Variants in ZNF804B observed in about 807,000 individuals in gnomAD.
ZNF804B encodes the protein zinc finger protein 804B.
Under a neutral mutation model 101.4 loss-of-function variants are expected in ZNF804B, and 80 were observed. The ratio of observed to expected loss-of-function variants is 0.79; its 90% CI spans 0.66 to 0.95. The LOEUF is 0.95. Ranked by LOEUF, ZNF804B falls within the 40% of genes least tolerant of loss-of-function variation. The pLI, the probability that ZNF804B is intolerant of heterozygous loss-of-function variation, is 0.00. For missense variants in ZNF804B, 1,673 were observed against 1,561.9 expected (o/e 1.07, Z -1.20); for synonymous variants, 622 against 558.8 (o/e 1.11, Z -1.59).
chr7:88,911,619 T>C (rs1290316035), intron 1 of ZNF804B, among the ~76,000 whole-genome samples: 5 of 151,510 alleles, frequency 3.3e-5, no homozygotes, highest in Non-Finnish European at 5.9e-5. Context: ...ATTTATTCTA[T>C]TGATGCAAGC....
intron 2 of ZNF804B, among the ~76,000 whole-genome samples, chr7:89,285,217 A>C (rs571118101): frequency 1.3e-5 from 2 of 151,774 alleles, no homozygotes; most frequent in East Asian, 3.9e-4. Context: ...AGACCCTGTC[A>C]CAAAAAAATA....
intron 1 of ZNF804B, among the ~76,000 whole-genome samples, chr7:89,198,248 A>G (rs1382534370): frequency 6.6e-6 from 1 of 151,898 alleles, no homozygotes; most frequent in Admixed American, 6.6e-5. Context: ...AAAGCTTTTA[A>G]CTATTAAACA....
At chr7:89,027,666 C>T (rs1271785711) in intron 1 of ZNF804B, among the ~76,000 whole-genome samples, 1 of 152,144 alleles carries the variant, frequency 6.6e-6, no homozygotes, top group African/African-American at 2.4e-5. Flanking sequence ...GGTGGGTCTG[C>T]ACTGTTATAT....
chr7:89,217,034 A>AGT (rs1337397082), intron 1 of ZNF804B, among the ~76,000 whole-genome samples: 1 of 152,224 alleles, frequency 6.6e-6, no homozygotes, highest in Non-Finnish European at 1.5e-5. Context: ...GTGCATATTA[A>AGT]GTAGCACATA....
intron 1 of ZNF804B, among the ~76,000 whole-genome samples, chr7:88,861,285 C>T (rs1405088501): frequency 1.3e-5 from 2 of 152,114 alleles, no homozygotes; most frequent in African/African-American, 4.8e-5. Flanking sequence ...TAAATGTTTT[C>T]ACCAACTCCC....
At chr7:88,953,008 G>C (rs1793247971) in intron 1 of ZNF804B, among the ~76,000 whole-genome samples, 1 of 151,718 alleles carries the variant, frequency 6.6e-6, no homozygotes, top group Non-Finnish European at 1.5e-5. Flanking sequence ...CATTGGTATA[G>C]GAATTCGAAG....
At chr7:89,019,974 C>T (rs895046376) in intron 1 of ZNF804B, among the ~76,000 whole-genome samples, 1 of 152,000 alleles carries the variant, frequency 6.6e-6, no homozygotes, top group Admixed American at 6.6e-5. Flanking sequence ...TGAACACTTA[C>T]TACTGTTTTT....
At chr7:88,791,082 TA>T (rs1010823839) in intron 1 of ZNF804B, among the ~76,000 whole-genome samples, 1 of 152,004 alleles carries the variant, frequency 6.6e-6, no homozygotes, top group African/African-American at 2.4e-5. Context: ...GAGTATAAAT[TA>T]AAAAAATTCT....
At chr7:88,817,478 A>T (rs1790903896) in intron 1 of ZNF804B, among the ~76,000 whole-genome samples, 1 of 152,144 alleles carries the variant, frequency 6.6e-6, no homozygotes, top group African/African-American at 2.4e-5. Context: ...GGAATTGTCC[A>T]TGAAGGGAAA....
chr7:88,776,438 C>G (rs1036007314), intron 1 of ZNF804B, among the ~76,000 whole-genome samples: 8 of 152,018 alleles, frequency 5.3e-5, no homozygotes. Context: ...CAAATAGCAG[C>G]CCTGTGTTTT....
At chr7:89,280,809 C>T (rs1019600150) in intron 2 of ZNF804B, among the ~76,000 whole-genome samples, 57 of 152,114 alleles carry the variant, frequency 3.7e-4, no homozygotes, top group Non-Finnish European at 3.7e-4. Flanking sequence ...GATTCACAGC[C>T]GAATTCTACC....
chr7:88,906,553 ATCT>A (rs1305678130), intron 1 of ZNF804B, among the ~76,000 whole-genome samples: 2 of 151,902 alleles, frequency 1.3e-5, no homozygotes, highest in African/African-American at 2.4e-5. Flanking sequence ...GTTTTGGGAG[ATCT>A]TCTTGATTTT....
chr7:89,017,414 C>T (rs1416086587), intron 1 of ZNF804B, among the ~76,000 whole-genome samples: 3 of 152,160 alleles, frequency 2.0e-5, no homozygotes, highest in Non-Finnish European at 4.4e-5. Flanking sequence ...TGTCTTGTGC[C>T]AGTTTTCAAA....
chr7:88,900,764 TTTTG>T (rs1792377145), intron 1 of ZNF804B, among the ~76,000 whole-genome samples: 1 of 151,540 alleles, frequency 6.6e-6, no homozygotes, highest in African/African-American at 2.4e-5. Context: ...GCCATCATAT[TTTTG>T]TTTCTTTCCT....
At chr7:89,282,959 G>A (rs1346644323) in intron 2 of ZNF804B, among the ~76,000 whole-genome samples, 2 of 152,112 alleles carry the variant, frequency 1.3e-5, no homozygotes, top group East Asian at 1.9e-4. Context: ...ATAAATTTCT[G>A]TTGTTTTAAG....
At chr7:89,037,970 C>G (rs1451367279) in intron 1 of ZNF804B, among the ~76,000 whole-genome samples, 2 of 152,162 alleles carry the variant, frequency 1.3e-5, no homozygotes, top group Non-Finnish European at 2.9e-5. Flanking sequence ...TTCATGTTGT[C>G]TCAAATGGCT....
In ZNF804B at chr7:88,834,092, G is replaced by A. The variant is rs1791173619; in HGVS notation, c.108+74008G>A. Reference sequence around the variant, plus strand: ...GCCTGTATTTGAAATATAAGGTCAAGTGGGAGGTTATAATCAGAAAGAATT... The same window carrying A: ...GCCTGTATTTGAAATATAAGGTCAAATGGGAGGTTATAATCAGAAAGAATT... On this transcript the variant is annotated intron_variant, in intron 1 of 3. Coordinates refer to ENST00000333190, the MANE Select transcript of ZNF804B (RefSeq NM_181646.5). 2.0e-5 allele frequency among the ~76,000 whole-genome samples: 3 copies of A among 151,804 alleles called. No homozygotes were observed. In the Admixed American group the frequency reaches 2.0e-4, roughly 10 times the overall value.
At chr7:89,139,467 C>T (rs1381861798) in intron 1 of ZNF804B, among the ~76,000 whole-genome samples, 1 of 152,072 alleles carries the variant, frequency 6.6e-6, no homozygotes, top group Non-Finnish European at 1.5e-5. Flanking sequence ...AGCATTTCAT[C>T]CACAGCAGAA....
chr7:89,176,101 A>G (rs942484099), intron 1 of ZNF804B, among the ~76,000 whole-genome samples: 2 of 151,932 alleles, frequency 1.3e-5, no homozygotes, highest in Non-Finnish European at 2.9e-5. Context: ...ATGTTGAATA[A>G]CAGTGCTGAA....
Sources: allele counts gnomAD v4.1 joint callset (sites outside exome capture counted in the v4.1 genomes callset), GRCh38; gene constraint gnomAD v4.1.1; transcripts MANE v1.5; gene names NCBI Gene and HGNC (gene_info 2026-07-23, HGNC 2026-07-21).